The following PDGFD variants were observed in gnomAD, a reference collection of about 807,000 sequenced individuals.
The protein encoded by PDGFD is platelet-derived growth factor D.
Under a neutral mutation model 44.7 loss-of-function variants are expected in PDGFD, and 30 were observed. The ratio of observed to expected loss-of-function variants is 0.67; its 90% CI spans 0.50 to 0.91. PDGFD has a LOEUF of 0.91. Ranked by LOEUF, PDGFD falls within the 40% of genes least tolerant of loss-of-function variation. PDGFD has a pLI of 0.00. For missense variants in PDGFD, 445 were observed against 457.8 expected, an observed-to-expected ratio of 0.97 and a Z score of 0.25; for synonymous variants, 173 against 168.4, an observed-to-expected ratio of 1.03 and a Z score of -0.21.
At chr11:104,004,872 CTTTTTTTTTTTT>C (rs33979812) in intron 1 of PDGFD, among the ~76,000 whole-genome samples, 1 of 71,892 alleles carries the variant, frequency 1.4e-5, no homozygotes, top group Non-Finnish European at 2.4e-5. Context: ...TTATTACCAC[CTTTTTTTTTTTT>C]TTTTTTTTTT....
rs142446935 is a variant in PDGFD at position 104,158,164 on chromosome 11, T to G, written c.124+5640A>C. On this transcript the variant is annotated intron_variant, in intron 1 of 6. Coordinates refer to ENST00000393158, the MANE Select transcript of PDGFD (RefSeq NM_025208.5). Reference sequence around the variant, plus strand: ...CCATTAAAGCGCATATCACACTCTTTAGAACTTCACACTTAAATTGCAAAA... The same window carrying G: ...CCATTAAAGCGCATATCACACTCTTGAGAACTTCACACTTAAATTGCAAAA... 5.9e-5 allele frequency among the ~76,000 whole-genome samples: 9 copies of G among 152,322 alleles called. No individual in the cohort carries two copies. The East Asian group carries it at 1.7e-3, about 29-fold the overall frequency.
chr11:103,917,500 T>C (rs1858145408), intron 6 of PDGFD, among the ~76,000 whole-genome samples: 1 of 152,230 alleles, frequency 6.6e-6, no homozygotes, highest in African/African-American at 2.4e-5. Context: ...ATTTTTGATT[T>C]TGTCCCATTT....
chr11:104,119,056 T>A lies in PDGFD; in HGVS notation c.124+44748A>T, dbSNP rs1415816118. Among the ~76,000 whole-genome samples the A allele has an allele frequency of 7.7e-4, 39 of 50,478 alleles. 5 individuals are homozygous for A. The highest frequency in any genetic ancestry group is 2.9e-3 in the African/African-American group (39 of 13,386). The allele number at this position is 50,478 out of a possible 152,430, so 33.1% of individuals were successfully genotyped here. On this transcript the variant is annotated intron_variant, in intron 1 of 6. Coordinates refer to ENST00000393158, the MANE Select transcript of PDGFD (RefSeq NM_025208.5). ...ATATAATATATAATATATTGATATA[T>A]TAATATAATATATTGGTATAATATA...
intron 1 of PDGFD, among the ~76,000 whole-genome samples, chr11:104,120,862 A>G (rs746980276): frequency 6.6e-6 from 1 of 151,572 alleles, no homozygotes; most frequent in Non-Finnish European, 1.5e-5. Context: ...TACATGCCCT[A>G]CTCCCAAAGT....
chr11:104,121,368 T>C (rs361295), intron 1 of PDGFD, among the ~76,000 whole-genome samples: 45,494 of 151,684 alleles, frequency 0.3, 7,049 homozygotes, highest in African/African-American at 0.38. Context: ...TTCACCGTGC[T>C]CAGAAAAAAA....
intron 6 of PDGFD, among the ~76,000 whole-genome samples, chr11:103,912,155 A>G (rs9667869): frequency 0.46 from 69,485 of 151,752 alleles, 16,021 homozygotes; most frequent in South Asian, 0.49. Context: ...CTCGAGAAGA[A>G]CAATCCCAAG....
intron 1 of PDGFD, among the ~76,000 whole-genome samples, chr11:104,163,603 G>A (rs980905859): frequency 6.6e-6 from 1 of 152,022 alleles, no homozygotes; most frequent in Non-Finnish European, 1.5e-5. Flanking sequence ...CCATCAGCAC[G>A]CGTCCCACAC....
chr11:104,104,448 C>G (rs12283349), intron 1 of PDGFD, among the ~76,000 whole-genome samples: 8,399 of 152,154 alleles, frequency 0.055, 363 homozygotes, highest in African/African-American at 0.12. Context: ...TCTGCTCATG[C>G]TAAGTGTCTA....
At chr11:104,015,652 C>T (rs555877986) in intron 1 of PDGFD, among the ~76,000 whole-genome samples, 2 of 152,166 alleles carry the variant, frequency 1.3e-5, no homozygotes, top group Non-Finnish European at 2.9e-5. Flanking sequence ...TAACTATGTA[C>T]TGAATGAAAT....
intron 1 of PDGFD, among the ~76,000 whole-genome samples, chr11:104,030,178 C>T (rs1490211023): frequency 6.6e-6 from 1 of 152,102 alleles, no homozygotes; most frequent in Non-Finnish European, 1.5e-5. Flanking sequence ...TATGTATAAG[C>T]GAATATTCCA....
At chr11:104,109,927 T>C (rs1720651398) in intron 1 of PDGFD, among the ~76,000 whole-genome samples, 1 of 152,146 alleles carries the variant, frequency 6.6e-6, no homozygotes, top group Non-Finnish European at 1.5e-5. Context: ...TCATTTATTT[T>C]TCCTGGCCTT....
At chr11:103,975,084 T>G (rs1207307197) in intron 3 of PDGFD, among the ~76,000 whole-genome samples, 2 of 152,124 alleles carry the variant, frequency 1.3e-5, no homozygotes, top group Non-Finnish European at 2.9e-5. Context: ...GTCTTCCACA[T>G]TGGTTGAACT....
intron 1 of PDGFD, among the ~76,000 whole-genome samples, chr11:104,102,082 C>G (rs559850374): frequency 6.6e-6 from 1 of 152,244 alleles, no homozygotes; most frequent in South Asian, 2.1e-4. Context: ...CAAATGGGAT[C>G]TAATTAAACT....
chr11:104,049,858 G>C (rs763331626), intron 1 of PDGFD, among the ~76,000 whole-genome samples: 1 of 152,128 alleles, frequency 6.6e-6, no homozygotes, highest in Non-Finnish European at 1.5e-5. Context: ...ACTCTGTGAG[G>C]ATGGTGAAGA....
intron 1 of PDGFD, among the ~76,000 whole-genome samples, chr11:104,129,546 T>C (rs1200655188): frequency 1.3e-5 from 2 of 152,142 alleles, no homozygotes; most frequent in African/African-American, 2.4e-5. Flanking sequence ...GCTATAATGG[T>C]TGCAGGGAGC....
chr11:104,015,764 G>T (rs1418862298), intron 1 of PDGFD, among the ~76,000 whole-genome samples: 1 of 152,162 alleles, frequency 6.6e-6, no homozygotes, highest in African/African-American at 2.4e-5. Flanking sequence ...AATATCATGT[G>T]AGAGTTTTGC....
intron 1 of PDGFD, among the ~76,000 whole-genome samples, chr11:104,098,343 CA>C (rs1861315237): frequency 6.6e-6 from 1 of 151,950 alleles, no homozygotes; most frequent in Non-Finnish European, 1.5e-5. Flanking sequence ...TAGATGAAAG[CA>C]AAAGTAAGAA....
chr11:103,921,067 T>C (rs1028157781), intron 6 of PDGFD, among the ~76,000 whole-genome samples: 2 of 152,144 alleles, frequency 1.3e-5, no homozygotes, highest in Admixed American at 6.5e-5. Flanking sequence ...TGCCCCTCCA[T>C]GTGGCAAAGC....
intron 4 of PDGFD, 56 bp from the exon 5 acceptor site, chr11:103,943,706 A>C: frequency 1.4e-6 from 2 of 1,435,052 alleles, no homozygotes; most frequent in Non-Finnish European, 1.9e-6. Context: ...TGTGAAATAC[A>C]ACAGTCATTC....
Sources: allele counts gnomAD v4.1 joint callset (sites outside exome capture counted in the v4.1 genomes callset), GRCh38; gene constraint gnomAD v4.1.1; transcripts MANE v1.5; gene names NCBI Gene and HGNC (gene_info 2026-07-23, HGNC 2026-07-21).